The following TXNDC16 variants were observed in gnomAD, a reference collection of about 807,000 sequenced individuals.
The protein encoded by TXNDC16 is thioredoxin domain-containing protein 16.
A neutral mutation model predicts 85.6 loss-of-function variants in TXNDC16; 74 were observed. The observed-to-expected ratio is 0.86, with a 90% confidence interval of 0.72 to 1.05. The LOEUF is 1.05. Among genes scored for constraint, TXNDC16 ranks in the 50% least tolerant of loss-of-function variants. The probability of loss-of-function intolerance (pLI) is 0.00; values close to 1 mark genes in which losing one functional copy is unlikely to be tolerated. For missense variants in TXNDC16, 959 were observed against 947.0 expected (o/e 1.01, Z -0.17); for synonymous variants, 335 against 326.5 (o/e 1.03, Z -0.28).
intron 20 of TXNDC16, among the ~76,000 whole-genome samples, chr14:52,432,938 C>T (rs1408533701): frequency 1.3e-5 from 2 of 152,026 alleles, no homozygotes; most frequent in African/African-American, 4.8e-5. Context: ...ATATGTAAAA[C>T]GTTAAATGAA....
chr14:52,508,911 G>A (rs912850251), intron 9 of TXNDC16, among the ~76,000 whole-genome samples: 1 of 152,134 alleles, frequency 6.6e-6, no homozygotes, highest in Non-Finnish European at 1.5e-5. Context: ...GTTGTGGGGT[G>A]GGGGCAGCGG....
rs1397717223 is a variant in TXNDC16, at chr14:52,439,397, G to A, written c.2004-3C>T. The A allele has an allele frequency of 3.7e-6, 6 of 1,609,196 alleles. No individual in the cohort carries two copies. The highest frequency in any genetic ancestry group is 5.1e-6 in the Non-Finnish European group (6 of 1,177,670). ...CTCTCCCCACTGGAGTATTCTTTCTGCAAAAGGGAACAATTGAACATATTA... is the reference window on the plus strand; with the variant it reads ...CTCTCCCCACTGGAGTATTCTTTCTACAAAAGGGAACAATTGAACATATTA... On this transcript the variant is annotated splice_polypyrimidine_tract_variant and splice_region_variant and intron_variant, in intron 19 of 20. Transcript: ENST00000281741.
At chr14:52,503,291 A>G (rs927714568) in intron 9 of TXNDC16, among the ~76,000 whole-genome samples, 2 of 152,086 alleles carry the variant, frequency 1.3e-5, no homozygotes, top group Non-Finnish European at 2.9e-5. Flanking sequence ...TGGGTCCCTG[A>G]CCCCCAAGTA....
rs776927221 is a variant in TXNDC16 at position 52,455,441 on chromosome 14, A to G, written c.1725T>C (p.Ser575=). The G allele has an allele frequency of 2.6e-5, 42 of 1,613,886 alleles. No homozygotes were observed. The highest frequency in any genetic ancestry group is 3.3e-5 in the Non-Finnish European group (39 of 1,179,932). ...GTCTGGCAAGCAGCAGGGCTGGAAG[A>G]CTTGCAGCATATTTGGTTGACCTAT... ...VLLLSTKYAA[S]LPALLLARHT... is the part of the protein sequence containing the mutation. Residue 575 remains serine, a synonymous_variant, in exon 18 of 21, where the codon AGT becomes AGC. Transcript: ENST00000281741.
At position 52,519,181 on chromosome 14, in the gene TXNDC16, C is replaced by T. The variant is rs1450951777; in HGVS notation, c.505G>A (p.Gly169Arg). ...AAAAGTTAAAGAATACCTGGTATTCCAATGGCTCTTACATATGAGAATATA... is the reference window on the plus strand; with the variant it reads ...AAAAGTTAAAGAATACCTGGTATTCTAATGGCTCTTACATATGAGAATATA... ...NIIFSYVRAI[G>R]IPEHRAVMEA... The change falls in exon 7 of 21, where the codon GGA becomes AGA. Residue 169 changes from glycine (G) to arginine (R), a missense_variant. Coordinates refer to ENST00000281741, the MANE Select transcript of TXNDC16 (RefSeq NM_020784.3). The T allele has an allele frequency of 6.2e-7, 1 of 1,608,726 alleles. No homozygotes were observed. Among genetic ancestry groups the T allele is most frequent in the Admixed American group, 1.7e-5 (1 of 59,554 alleles).
chr14:52,527,952 T>C (rs369713140), intron 6 of TXNDC16, among the ~76,000 whole-genome samples: 2 of 152,200 alleles, frequency 1.3e-5, no homozygotes, highest in East Asian at 3.8e-4. Context: ...CAAGTCACTA[T>C]ATTTTAAATC....
At chr14:52,457,722 T>C (rs1253526417) in intron 16 of TXNDC16, among the ~76,000 whole-genome samples, 1 of 152,264 alleles carries the variant, frequency 6.6e-6, no homozygotes, top group East Asian at 1.9e-4. Flanking sequence ...GTGTTTTCAT[T>C]AGTTTTGAAC....
At chr14:52,450,733 A>G (rs1021557054) in intron 18 of TXNDC16, among the ~76,000 whole-genome samples, 6 of 152,032 alleles carry the variant, frequency 3.9e-5, no homozygotes, top group African/African-American at 1.4e-4. Context: ...TGTATCTACC[A>G]TTTGATCAAG....
intron 18 of TXNDC16, among the ~76,000 whole-genome samples, chr14:52,442,923 C>A (rs2035199203): frequency 6.6e-6 from 1 of 152,118 alleles, no homozygotes; most frequent in Non-Finnish European, 1.5e-5. Flanking sequence ...AGTATACAGA[C>A]TGCTATAATA....
At chr14:52,480,821 A>G (rs1262840618) in intron 14 of TXNDC16, among the ~76,000 whole-genome samples, 1 of 151,886 alleles carries the variant, frequency 6.6e-6, no homozygotes, top group Non-Finnish European at 1.5e-5. Flanking sequence ...TGGTTACCCA[A>G]AGGAAAATAA....
intron 6 of TXNDC16, among the ~76,000 whole-genome samples, chr14:52,530,166 ATTATATTAT>A (rs2037471017): frequency 1.1e-5 from 1 of 88,120 alleles, no homozygotes; most frequent in Non-Finnish European, 1.9e-5. Context: ...ATTTATATAT[ATTATATTAT>A]ATATAAATAT....
chr14:52,471,016 T>C (rs1208168972), intron 14 of TXNDC16, among the ~76,000 whole-genome samples: 1 of 152,218 alleles, frequency 6.6e-6, no homozygotes, highest in African/African-American at 2.4e-5. Context: ...CCTAAATTTA[T>C]GTCTTTGGCC....
intron 6 of TXNDC16, among the ~76,000 whole-genome samples, chr14:52,536,476 C>T (rs1020149787): frequency 2.6e-5 from 4 of 152,144 alleles, no homozygotes; most frequent in Admixed American, 1.3e-4. Flanking sequence ...AGACCTCACT[C>T]GATGTGGTTT....
chr14:52,542,675 A>C (rs1020009541), intron 3 of TXNDC16, among the ~76,000 whole-genome samples: 6 of 152,154 alleles, frequency 3.9e-5, no homozygotes, highest in Admixed American at 2.0e-4. Context: ...GGACCTTAAA[A>C]ACTTCCTAAA....
chr14:52,440,166 T>C (rs890308628), intron 19 of TXNDC16, among the ~76,000 whole-genome samples: 8 of 152,210 alleles, frequency 5.3e-5, no homozygotes, highest in Non-Finnish European at 1.2e-4. Context: ...ACACAATCCA[T>C]ACATCTAGAA....
At chr14:52,537,070 T>TCACACACACA (rs58583503) in intron 5 of TXNDC16, among the ~76,000 whole-genome samples, 8,751 of 147,254 alleles carry the variant, frequency 0.059, 284 homozygotes, top group East Asian at 0.12. Flanking sequence ...CAACTCACAA[T>TCACACACACA]CACACACACA....
At chr14:52,522,510 G>A (rs745080) in intron 6 of TXNDC16, among the ~76,000 whole-genome samples, 54,320 of 151,964 alleles carry the variant, frequency 0.36, 9,848 homozygotes, top group East Asian at 0.52. Context: ...AGGGGCAGGC[G>A]ATACCAAGAA....
At chr14:52,488,842 A>AAAAAAAAAAC (rs2036337039) in intron 11 of TXNDC16, among the ~76,000 whole-genome samples, 2 of 139,736 alleles carry the variant, frequency 1.4e-5, no homozygotes, top group Non-Finnish European at 3.1e-5. Context: ...AAAAAAAAAA[A>AAAAAAAAAAC]AAAAAAACAA....
At chr14:52,509,685 G>A (rs2036907953) in intron 9 of TXNDC16, among the ~76,000 whole-genome samples, 1 of 150,330 alleles carries the variant, frequency 6.7e-6, no homozygotes, top group Non-Finnish European at 1.5e-5. Context: ...AAAAAAAAAA[G>A]AACTAAGGAA....
Sources: allele counts gnomAD v4.1 joint callset (sites outside exome capture counted in the v4.1 genomes callset), GRCh38; gene constraint gnomAD v4.1.1; transcripts MANE v1.5; gene names NCBI Gene and HGNC (gene_info 2026-07-23, HGNC 2026-07-21).